ANGEL1: variants seen among roughly 807,000 people sequenced by gnomAD.
ANGEL1 encodes the protein RNA 2',3'-cyclic phosphatase ANGEL1.
Under a neutral mutation model 76.4 loss-of-function variants are expected in ANGEL1, and 62 were observed. That is an observed-to-expected ratio of 0.81 (90% CI 0.66 to 1.00). The LOEUF is 1.00. Among genes scored for constraint, ANGEL1 ranks in the 50% least tolerant of loss-of-function variants. The probability of loss-of-function intolerance (pLI) is 0.00; values close to 1 mark genes in which losing one functional copy is unlikely to be tolerated. For missense variants in ANGEL1, 737 were observed against 836.7 expected, an observed-to-expected ratio of 0.88 and a Z score of 1.47; for synonymous variants, 340 against 331.7, an observed-to-expected ratio of 1.03 and a Z score of -0.27.
In ANGEL1 at chr14:76,806,642, G is replaced by T. The variant is rs1451624087; in HGVS notation, c.1154C>A (p.Pro385Gln). The T allele has an allele frequency of 1.2e-6, 2 of 1,612,002 alleles. No individual in the cohort carries two copies. Among genetic ancestry groups the T allele is most frequent in the African/African-American group, 2.7e-5 (2 of 74,194 alleles). The change falls in exon 5 of 10, where the codon CCG becomes CAG. Residue 385 changes from proline to glutamine, a missense_variant. By Grantham distance (76) the Pro-to-Gln change is moderately conservative. Around this residue, in one of 2 missense-constraint regions of ANGEL1, gnomAD observed 296 missense variants for 387.2 expected, o/e 0.76. Coordinates refer to ENST00000251089, the MANE Select transcript of ANGEL1 (RefSeq NM_015305.4). ...GATATGGGTATTTGCCACACACAGC[G>T]GGGCCACCGAGACTTGTCCCAGGCC... Reference protein sequence around the residue: ...PEGLGQVSVAPLCVANTHILY... With the variant: ...PEGLGQVSVAQLCVANTHILY...
chr14:76,809,719 C>G, intron 1 of ANGEL1, 76 bp from the exon 2 acceptor site: 1 of 1,304,704 alleles, frequency 7.7e-7, no homozygotes, highest in Non-Finnish European at 1.1e-6. Context: ...AAACATAAGC[C>G]CAATAAAAGC....
At position 76,787,135 on chromosome 14, in the gene ANGEL1, C is replaced by T. The variant is rs1894279644; in HGVS notation, c.*2093G>A. On this transcript the variant is annotated 3_prime_UTR_variant, in exon 10 of 10. Transcript: ENST00000251089. ...CTCAATCTAGATTCATGTCTTGAGACCCCACCCCAAGATCAAAAGCTCCTT... is the reference window on the plus strand; with the variant it reads ...CTCAATCTAGATTCATGTCTTGAGATCCCACCCCAAGATCAAAAGCTCCTT... 6.6e-6 allele frequency: 1 copy of T among 152,198 alleles called. No homozygotes were observed. 9.4% of individuals were successfully genotyped at this position (152,198 alleles called of 1,614,324 possible). A position where few individuals can be genotyped will look rare whatever the true frequency, so the allele number is the denominator to read the frequency against.
At chr14:76,791,275 G>C (rs767494689) in intron 8 of ANGEL1, 22 bp downstream of exon 8, 1 of 1,613,668 alleles carries the variant, frequency 6.2e-7, no homozygotes. Flanking sequence ...ATTGAAAACA[G>C]AAGAGAACTG....
chr14:76,808,984 T>C (rs993101274), intron 2 of ANGEL1, 75 bp downstream of exon 2: 18 of 1,396,960 alleles, frequency 1.3e-5, no homozygotes, highest in African/African-American at 5.8e-5. Context: ...CATAGAATCT[T>C]CTCTTTAGCA....
In ANGEL1 at chr14:76,807,520, A is replaced by AAC; in HGVS notation, c.877-20_877-19dup. 6.2e-7 allele frequency: 1 copy of AAC among 1,612,704 alleles called. No homozygotes were observed. Among genetic ancestry groups the AAC allele is most frequent in the East Asian group, 2.2e-5 (1 of 44,886 alleles). On this transcript the variant is annotated intron_variant, in intron 3 of 9. Transcript: ENST00000251089. Reference sequence around the variant, plus strand: ...CACAGGATCTGGGAAATTGACAAGAAACCCAATCACTCCAGAGTGCTGGAA... The same window carrying AAC: ...CACAGGATCTGGGAAATTGACAAGAAACACCCAATCACTCCAGAGTGCTGGAA...
intron 4 of ANGEL1, 111 bp downstream of exon 4, chr14:76,807,322 C>T: frequency 9.4e-7 from 1 of 1,058,930 alleles, no homozygotes; most frequent in South Asian, 1.4e-5. Flanking sequence ...AGCTAGCTCA[C>T]AGGTGAAACT....
chr14:76,801,982 C>T (rs113076712), intron 7 of ANGEL1, among the ~76,000 whole-genome samples: 1,895 of 151,728 alleles, frequency 0.012, 39 homozygotes, highest in African/African-American at 0.044. Flanking sequence ...CATAGTGAAA[C>T]CCCTGTCTCT....
chr14:76,799,917 A>G (rs1894711354), intron 7 of ANGEL1, among the ~76,000 whole-genome samples: 1 of 152,086 alleles, frequency 6.6e-6, no homozygotes, highest in Non-Finnish European at 1.5e-5. Flanking sequence ...AAAAAAAAAA[A>G]AAAAAAAATT....
intron 5 of ANGEL1, 120 bp downstream of exon 5, chr14:76,806,296 A>C: frequency 9.5e-7 from 1 of 1,053,246 alleles, no homozygotes; most frequent in East Asian, 2.6e-5. Flanking sequence ...TAACAAGAAA[A>C]AGGAGGAGCA....
rs199611345 is a variant in ANGEL1 at position 76,790,704 on chromosome 14, G to A, written c.1759C>T (p.Arg587Cys). 81 of 1,614,046 alleles carry A rather than the reference G, an allele frequency of 5.0e-5. 1 individual carries two copies. The highest frequency in any genetic ancestry group is 4.7e-4 in the Admixed American group (28 of 60,002). The change falls in exon 9 of 10, where the codon CGC becomes TGC. Residue 587 changes from arginine to cysteine, a missense_variant. By Grantham distance (180) the Arg-to-Cys change is radical. Coordinates refer to ENST00000251089, the MANE Select transcript of ANGEL1 (RefSeq NM_015305.4). ...VYTHFLPQRGRPEVTTMPLGL... is the reference protein window; with the variant it reads ...VYTHFLPQRGCPEVTTMPLGL... Reference sequence around the variant, plus strand: ...AATGGCATTGTAGTGACCTCTGGGCGGCCACGCTGGGGCAGGAAGTGGGTA... The same window carrying A: ...AATGGCATTGTAGTGACCTCTGGGCAGCCACGCTGGGGCAGGAAGTGGGTA...
Position 76,809,192 on chromosome 14 carries a change from C to T in ANGEL1, c.516G>A (p.Glu172=). The change falls in exon 2 of 10, where the codon GAG becomes GAA. Residue 172 remains glutamate, a synonymous_variant. Transcript: ENST00000251089. The stretch of plus-strand genomic sequence containing the variant: ...ACACCGCTGGGTCCTCTTCCCACTG[C>T]TCTGTGGCCAGGGCACCCACTGGGA... ...AALPVGALAT[E]QWEEDPAVLA... 1 of 1,613,816 alleles carries T rather than the reference C, an allele frequency of 6.2e-7. No homozygotes were observed. The highest frequency in any genetic ancestry group is 8.5e-7 in the Non-Finnish European group (1 of 1,179,858).
intron 1 of ANGEL1, 81 bp downstream of exon 1, chr14:76,812,683 C>T: frequency 7.1e-7 from 1 of 1,414,056 alleles, no homozygotes; most frequent in Admixed American, 2.8e-5. Context: ...CCCGGCCAAC[C>T]GCACGCCGCC....
At chr14:76,811,044 A>C (rs1477472375) in intron 1 of ANGEL1, among the ~76,000 whole-genome samples, 1 of 152,190 alleles carries the variant, frequency 6.6e-6, no homozygotes, top group Admixed American at 6.5e-5. Flanking sequence ...TGTCCTTCTA[A>C]ACAATGGTTT....
chr14:76,795,812 C>T (rs1301720443), intron 7 of ANGEL1, among the ~76,000 whole-genome samples: 4 of 152,198 alleles, frequency 2.6e-5, no homozygotes, highest in Non-Finnish European at 2.9e-5. Flanking sequence ...ATTCTTGATT[C>T]CGCTGCATCT....
rs147270151 is a variant in ANGEL1, at chr14:76,794,395, G to A, written c.1619-3029C>T. ...TGAAATGAAATACCCCTTTAGGCCA[G>A]GCGCAGTGGCTCACGCCTGTAATCC... On this transcript the variant is annotated intron_variant, in intron 7 of 9. Transcript: ENST00000251089. 6.7e-3 allele frequency among the ~76,000 whole-genome samples: 1,013 copies of A among 152,262 alleles called. 3 individuals carry two copies. Among genetic ancestry groups the A allele is most frequent in the Non-Finnish European group, 9.3e-3 (633 of 68,014 alleles).
At chr14:76,810,534 T>C (rs1213379189) in intron 1 of ANGEL1, among the ~76,000 whole-genome samples, 2 of 152,194 alleles carry the variant, frequency 1.3e-5, no homozygotes, top group East Asian at 3.8e-4. Flanking sequence ...AATCTATTAA[T>C]GTATTCCAAA....
At chr14:76,794,298 A>C (rs1175713562) in intron 7 of ANGEL1, among the ~76,000 whole-genome samples, 1 of 152,196 alleles carries the variant, frequency 6.6e-6, no homozygotes, top group Non-Finnish European at 1.5e-5. Flanking sequence ...TTTCATCTCA[A>C]TAAAGCTGTT....
At chr14:76,812,664 G>A (rs1302062546) in intron 1 of ANGEL1, 100 bp downstream of exon 1, 3 of 1,382,246 alleles carry the variant, frequency 2.2e-6, no homozygotes, top group African/African-American at 3.0e-5. Context: ...GGGCACGGTA[G>A]TCGTGAGGCC....
At chr14:76,790,303 T>G (rs971445360) in intron 9 of ANGEL1, among the ~76,000 whole-genome samples, 7 of 152,158 alleles carry the variant, frequency 4.6e-5, no homozygotes, top group Admixed American at 3.9e-4. Context: ...CCTAACCAAG[T>G]CCCTCATTCA....
Sources: allele counts gnomAD v4.1 joint callset (sites outside exome capture counted in the v4.1 genomes callset), GRCh38; gene constraint gnomAD v4.1.1; regional missense constraint gnomAD v4.1.1; transcripts MANE v1.5; gene names NCBI Gene and HGNC (gene_info 2026-07-23, HGNC 2026-07-21).